The following DIAPH3 variants were observed in gnomAD, a reference collection of about 807,000 sequenced individuals.
The protein encoded by DIAPH3 is diaphanous related formin 3.
Under a neutral mutation model 144.3 loss-of-function variants are expected in DIAPH3, and 117 were observed. That is an observed-to-expected ratio of 0.81 (90% CI 0.70 to 0.95). The LOEUF (loss-of-function observed/expected upper bound fraction) is 0.95, where lower values mean the gene tolerates loss of function less well. DIAPH3 is among the 40% of genes least tolerant of loss of function. DIAPH3 has a pLI of 0.00. For synonymous variants in DIAPH3, 519 were observed against 488.9 expected (o/e 1.06, Z -0.81); for missense variants, 1,421 against 1,412.7 (o/e 1.01, Z -0.09).
intron 27 of DIAPH3, among the ~76,000 whole-genome samples, chr13:59,698,822 G>C (rs79911385): frequency 0.018 from 2,731 of 152,214 alleles, 74 homozygotes; most frequent in East Asian, 0.12. Flanking sequence ...TGGTGCAGTG[G>C]TCCCCAACTG....
At chr13:60,057,913 T>C (rs1011694342) in intron 4 of DIAPH3, among the ~76,000 whole-genome samples, 3 of 151,902 alleles carry the variant, frequency 2.0e-5, no homozygotes, top group African/African-American at 7.2e-5. Flanking sequence ...ACTAAAGAAT[T>C]AATCTAAGAC....
intron 18 of DIAPH3, among the ~76,000 whole-genome samples, chr13:59,917,003 T>G (rs796834944): frequency 7.2e-5 from 11 of 152,358 alleles, no homozygotes; most frequent in African/African-American, 2.6e-4. Flanking sequence ...ACGCTTTTGC[T>G]AGTTCAACCC....
intron 9 of DIAPH3, among the ~76,000 whole-genome samples, chr13:60,003,579 A>G (rs1212087322): frequency 6.6e-6 from 1 of 150,782 alleles, no homozygotes; most frequent in African/African-American, 2.4e-5. Flanking sequence ...ATAGATATAT[A>G]TATATTTTTT....
chr13:60,041,267 G>A (rs2055647508), intron 5 of DIAPH3, among the ~76,000 whole-genome samples: 1 of 152,078 alleles, frequency 6.6e-6, no homozygotes, highest in Non-Finnish European at 1.5e-5. Flanking sequence ...TAAGACTAAA[G>A]AAGGCTAAAA....
chr13:59,915,468 T>C (rs750391034), intron 19 of DIAPH3, among the ~76,000 whole-genome samples: 87 of 152,252 alleles, frequency 5.7e-4, no homozygotes, highest in South Asian at 8.3e-4. Flanking sequence ...TTTTCCTAAA[T>C]ATATCCGCTA....
At chr13:60,057,637 T>G (rs907234360) in intron 4 of DIAPH3, among the ~76,000 whole-genome samples, 1 of 152,036 alleles carries the variant, frequency 6.6e-6, no homozygotes, top group African/African-American at 2.4e-5. Flanking sequence ...GTTATCTGAC[T>G]TCCAATTATA....
At chr13:59,980,727 C>T (rs895780915) in intron 14 of DIAPH3, 68 bp downstream of exon 14, 13 of 1,390,656 alleles carry the variant, frequency 9.3e-6, no homozygotes, top group African/African-American at 2.8e-5. Context: ...CAAGCAAATT[C>T]CCTGAGGCAG....
intron 19 of DIAPH3, among the ~76,000 whole-genome samples, chr13:59,915,072 A>G (rs1488714382): frequency 1.3e-5 from 2 of 152,176 alleles, no homozygotes; most frequent in East Asian, 3.9e-4. Flanking sequence ...TACTCTGTAA[A>G]TATTTAACTA....
intron 3 of DIAPH3, among the ~76,000 whole-genome samples, chr13:60,101,095 T>C (rs1056315431): frequency 6.6e-6 from 1 of 152,234 alleles, no homozygotes; most frequent in Admixed American, 6.5e-5. Flanking sequence ...AATCTTAAAC[T>C]ATGGTCAAAT....
At chr13:60,001,264 T>A (rs919484782) in intron 9 of DIAPH3, among the ~76,000 whole-genome samples, 5 of 152,150 alleles carry the variant, frequency 3.3e-5, no homozygotes, top group African/African-American at 4.8e-5. Flanking sequence ...GACCATGATT[T>A]GATTACCATT....
At chr13:59,717,881 A>G (rs544639446) in intron 27 of DIAPH3, among the ~76,000 whole-genome samples, 2 of 152,354 alleles carry the variant, frequency 1.3e-5, no homozygotes, top group Admixed American at 1.3e-4. Context: ...AAGAAAAAAG[A>G]GACAGAGAGA....
At chr13:59,743,719 C>T (rs1401947169) in intron 27 of DIAPH3, among the ~76,000 whole-genome samples, 1 of 152,038 alleles carries the variant, frequency 6.6e-6, no homozygotes, top group Non-Finnish European at 1.5e-5. Flanking sequence ...ATATGGGATG[C>T]TTGGGGAATT....
At chr13:59,885,473 CTG>C (rs1486233909) in intron 20 of DIAPH3, among the ~76,000 whole-genome samples, 1 of 112,862 alleles carries the variant, frequency 8.9e-6, no homozygotes, top group Non-Finnish European at 1.9e-5. Context: ...AAAAAAAAGA[CTG>C]AGATTTATAC....
At chr13:59,716,182 A>ATT (rs913853524) in intron 27 of DIAPH3, among the ~76,000 whole-genome samples, 1 of 77,590 alleles carries the variant, frequency 1.3e-5, no homozygotes, top group African/African-American at 4.8e-5. Context: ...CAAGAAACTT[A>ATT]TTTTTTTTTT....
chr13:59,935,745 TA>T (rs1198375487), intron 17 of DIAPH3, among the ~76,000 whole-genome samples: 3 of 152,156 alleles, frequency 2.0e-5, no homozygotes, highest in African/African-American at 7.2e-5. Flanking sequence ...ACATAGAAAA[TA>T]ATCAGTGGAG....
intron 4 of DIAPH3, among the ~76,000 whole-genome samples, chr13:60,088,504 C>T (rs1273019815): frequency 6.6e-6 from 1 of 152,074 alleles, no homozygotes; most frequent in Non-Finnish European, 1.5e-5. Flanking sequence ...AGGTTTTGGC[C>T]TCTCAGGACT....
chr13:59,935,393 A>G (rs924266543), intron 17 of DIAPH3, among the ~76,000 whole-genome samples: 1 of 152,188 alleles, frequency 6.6e-6, no homozygotes, highest in Non-Finnish European at 1.5e-5. Flanking sequence ...ATATAGTAGA[A>G]TGGAATACAC....
intron 20 of DIAPH3, among the ~76,000 whole-genome samples, chr13:59,895,450 A>G (rs2046037778): frequency 6.6e-6 from 1 of 151,780 alleles, no homozygotes; most frequent in African/African-American, 2.4e-5. Context: ...AAAACAAAAA[A>G]AAAACACATT....
chr13:59,739,148 G>A (rs187066880), intron 27 of DIAPH3, among the ~76,000 whole-genome samples: 9 of 152,264 alleles, frequency 5.9e-5, no homozygotes, highest in African/African-American at 1.9e-4. Context: ...TGTTAGTAGA[G>A]GGATTAGTAA....
Sources: allele counts gnomAD v4.1 joint callset (sites outside exome capture counted in the v4.1 genomes callset), GRCh38; gene constraint gnomAD v4.1.1; transcripts MANE v1.5; gene names NCBI Gene and HGNC (gene_info 2026-07-23, HGNC 2026-07-21).